The following XXYLT1 variants were observed in gnomAD, a reference collection of about 807,000 sequenced individuals.
XXYLT1 encodes the protein xyloside xylosyltransferase 1.
A neutral mutation model predicts 28.9 loss-of-function variants in XXYLT1; 20 were observed. That is an observed-to-expected ratio of 0.69 (90% CI 0.49 to 1.00). The LOEUF (loss-of-function observed/expected upper bound fraction) is 1.00. XXYLT1 is among the 50% of genes least tolerant of loss of function. XXYLT1 has a pLI of 0.00. For missense variants in XXYLT1, 542 were observed against 560.1 expected, an observed-to-expected ratio of 0.97 and a Z score of 0.33; for synonymous variants, 257 against 253.8, an observed-to-expected ratio of 1.01 and a Z score of -0.12.
intron 2 of XXYLT1, among the ~76,000 whole-genome samples, chr3:195,212,299 G>A (rs376784900): frequency 1.3e-5 from 2 of 152,364 alleles, no homozygotes; most frequent in Non-Finnish European, 1.5e-5. Flanking sequence ...GATCCGACAG[G>A]ATGGGATGCG....
At position 195,110,337 on chromosome 3, in the gene XXYLT1, ATGTGTGTGGTG is replaced by A. The variant is rs1717532007; in HGVS notation, c.786-40237_786-40227del. 9.5e-3 allele frequency among the ~76,000 whole-genome samples: 21 copies of A among 2,206 alleles called. 1 individual carries two copies. The highest frequency in any genetic ancestry group is 0.021 in the South Asian group (1 of 48). 1.4% of individuals were successfully genotyped at this position (2,206 alleles called of 152,430 possible). ...GTGTGGGTGAGGGTGAGGTGTGTGTATGTGTGTGGTGTGTGGTGTATGTGCGTGCGTGTGTG... is the reference window on the plus strand; with the variant it reads ...GTGTGGGTGAGGGTGAGGTGTGTGTATGTGGTGTATGTGCGTGCGTGTGTG... On this transcript the variant is annotated intron_variant, in intron 3 of 3. Transcript: ENST00000310380.
intron 2 of XXYLT1, among the ~76,000 whole-genome samples, chr3:195,206,007 A>T (rs1723055426): frequency 6.6e-6 from 1 of 151,614 alleles, no homozygotes; most frequent in African/African-American, 2.4e-5. Flanking sequence ...AATTATCTTA[A>T]AATTTAAAGT....
At chr3:195,253,503 C>CTTTTTTTTTTT (rs1231480044) in intron 1 of XXYLT1, among the ~76,000 whole-genome samples, 23 of 130,220 alleles carry the variant, frequency 1.8e-4, no homozygotes, top group African/African-American at 5.1e-4. Flanking sequence ...CTTTTTTTTT[C>CTTTTTTTTTTT]TTTTTTTTTT....
At chr3:195,269,451 A>G (rs1427134964) in intron 1 of XXYLT1, among the ~76,000 whole-genome samples, 2 of 152,224 alleles carry the variant, frequency 1.3e-5, no homozygotes, top group Non-Finnish European at 2.9e-5. Context: ...CAGACAGTAC[A>G]GCATGTATAA....
intron 3 of XXYLT1, among the ~76,000 whole-genome samples, chr3:195,111,442 G>A (rs1451629995): frequency 6.6e-6 from 1 of 152,134 alleles, no homozygotes; most frequent in Non-Finnish European, 1.5e-5. Context: ...GAGGCTGGAT[G>A]GGGAGCAAGG....
intron 1 of XXYLT1, among the ~76,000 whole-genome samples, chr3:195,252,151 A>T (rs890974719): frequency 2.0e-5 from 3 of 152,268 alleles, no homozygotes; most frequent in Non-Finnish European, 2.9e-5. Flanking sequence ...ATAACTGCTG[A>T]AAACATACAA....
chr3:195,178,814 T>C (rs1291729741), intron 2 of XXYLT1, among the ~76,000 whole-genome samples: 1 of 152,238 alleles, frequency 6.6e-6, no homozygotes, highest in East Asian at 1.9e-4. Flanking sequence ...TTTCCCCTGA[T>C]GGAAGGCTCT....
intron 1 of XXYLT1, among the ~76,000 whole-genome samples, chr3:195,263,530 G>A (rs1725754649): frequency 6.6e-6 from 1 of 152,186 alleles, no homozygotes; most frequent in South Asian, 2.1e-4. Context: ...TATAAAGCCA[G>A]GCGCCCCTCA....
chr3:195,205,755 C>T (rs1373941100), intron 2 of XXYLT1, among the ~76,000 whole-genome samples: 1 of 152,098 alleles, frequency 6.6e-6, no homozygotes, highest in African/African-American at 2.4e-5. Flanking sequence ...ATCAGCTACT[C>T]GGGAGGCTGA....
chr3:195,110,254 AGTGTGTGTGGGTGTGTG>A (rs1717487605), intron 3 of XXYLT1, among the ~76,000 whole-genome samples: 1 of 1,824 alleles, frequency 5.5e-4, no homozygotes, highest in Admixed American at 7.1e-3. Context: ...GTGTGGGTGA[AGTGTGTGTGGGTGTGTG>A]GTGTGTGTGG....
intron 3 of XXYLT1, among the ~76,000 whole-genome samples, chr3:195,114,766 C>T (rs993384443): frequency 6.6e-6 from 1 of 152,206 alleles, no homozygotes; most frequent in African/African-American, 2.4e-5. Flanking sequence ...GTCAATCAGA[C>T]GAAACTAAGT....
At chr3:195,159,975 G>C (rs553297366) in intron 2 of XXYLT1, among the ~76,000 whole-genome samples, 9 of 151,992 alleles carry the variant, frequency 5.9e-5, no homozygotes, top group Non-Finnish European at 8.8e-5. Context: ...GGGCCAACTC[G>C]GCTCATCATC....
chr3:195,112,400 G>A (rs900650230), intron 3 of XXYLT1, among the ~76,000 whole-genome samples: 9 of 150,860 alleles, frequency 6.0e-5, no homozygotes, highest in South Asian at 4.2e-4. Flanking sequence ...AGGACTGCAC[G>A]TGCGCACGTG....
At chr3:195,137,411 T>C (rs1335254529) in intron 3 of XXYLT1, among the ~76,000 whole-genome samples, 1 of 152,238 alleles carries the variant, frequency 6.6e-6, no homozygotes. Context: ...GGCACTGGTC[T>C]TCTGCACCAT....
intron 2 of XXYLT1, chr3:195,207,341 A>G (rs1279004151): frequency 5.2e-6 from 2 of 384,370 alleles, no homozygotes; most frequent in African/African-American, 4.2e-5. Flanking sequence ...GGAGGGCTCC[A>G]GGAAACAGCC....
At chr3:195,123,695 G>A (rs1718480784) in intron 3 of XXYLT1, among the ~76,000 whole-genome samples, 1 of 152,194 alleles carries the variant, frequency 6.6e-6, no homozygotes, top group African/African-American at 2.4e-5. Flanking sequence ...CACCACCAGT[G>A]AGCATCTTAA....
At chr3:195,079,191 G>A (rs73206617) in intron 3 of XXYLT1, among the ~76,000 whole-genome samples, 2,532 of 152,268 alleles carry the variant, frequency 0.017, 43 homozygotes, top group Middle Eastern at 0.027. Context: ...TGGAAGTGCC[G>A]CAAGAGGTGA....
In XXYLT1 at chr3:195,129,805, T is replaced by A. The variant is rs1421561306; in HGVS notation, c.785+26644A>T. On this transcript the variant is annotated intron_variant, in intron 3 of 3. Coordinates refer to ENST00000310380, the MANE Select transcript of XXYLT1 (RefSeq NM_152531.5). This position sits in a 1 kb window ranked among gnomAD's most constrained non-coding sequence, Gnocchi z 4.4. Reference sequence around the variant, plus strand: ...ATTTGCATGTTAGTGTGTGGGCGCATGTTTTCAGTTCTCTCGGGTCTCTGT... The same window carrying A: ...ATTTGCATGTTAGTGTGTGGGCGCAAGTTTTCAGTTCTCTCGGGTCTCTGT... Among the ~76,000 whole-genome samples the A allele has an allele frequency of 6.6e-6, 1 of 152,158 alleles. No homozygotes were observed. The highest frequency in any genetic ancestry group is 1.5e-5 in the Non-Finnish European group (1 of 68,026).
At chr3:195,228,099 C>T (rs1364078851) in intron 1 of XXYLT1, among the ~76,000 whole-genome samples, 1 of 152,208 alleles carries the variant, frequency 6.6e-6, no homozygotes, top group Non-Finnish European at 1.5e-5. Context: ...AAGAGTTCTG[C>T]AAGCGCCACC....
Sources: allele counts gnomAD v4.1 joint callset (sites outside exome capture counted in the v4.1 genomes callset), GRCh38; gene constraint gnomAD v4.1.1; non-coding constraint Gnocchi (gnomAD v3.1); transcripts MANE v1.5; gene names NCBI Gene and HGNC (gene_info 2026-07-23, HGNC 2026-07-21).